CSMD1: variants seen among roughly 807,000 people sequenced by gnomAD.
CSMD1 encodes CUB and sushi domain-containing protein 1.
Under a neutral mutation model 417.5 loss-of-function variants are expected in CSMD1, and 213 were observed. The observed-to-expected ratio is 0.51, with a 90% CI of 0.46 to 0.57. The LOEUF (loss-of-function observed/expected upper bound fraction) is 0.57. CSMD1 is among the 20% of genes least tolerant of loss of function. CSMD1 has a pLI of 0.00. For missense variants in CSMD1, 6,923 were observed against 4,529.7 expected (o/e 1.53, Z -15.17); for synonymous variants, 2,862 against 1,736.8 (o/e 1.65, Z -16.11).
At chr8:3,735,574 C>G (rs575863885) in intron 6 of CSMD1, among the ~76,000 whole-genome samples, 1 of 152,210 alleles carries the variant, frequency 6.6e-6, no homozygotes, top group Non-Finnish European at 1.5e-5. Flanking sequence ...GTCAGCATGA[C>G]TTGCTTCAGT....
intron 5 of CSMD1, among the ~76,000 whole-genome samples, chr8:3,890,225 A>G (rs555020403): frequency 3.3e-5 from 5 of 152,218 alleles, no homozygotes; most frequent in African/African-American, 4.8e-5. Flanking sequence ...TTAATAAAAG[A>G]TAAGAAATAT....
chr8:3,290,772 C>T (rs915931151), intron 25 of CSMD1, among the ~76,000 whole-genome samples: 2 of 147,726 alleles, frequency 1.4e-5, no homozygotes, highest in Admixed American at 6.7e-5. Context: ...CATCTGCCAA[C>T]AGGGACAATT....
chr8:3,797,443 C>G (rs991171341), intron 5 of CSMD1, among the ~76,000 whole-genome samples: 1 of 151,930 alleles, frequency 6.6e-6, no homozygotes, highest in African/African-American at 2.4e-5. Flanking sequence ...CCATCCCTTC[C>G]CTCCACAGGC....
intron 2 of CSMD1, among the ~76,000 whole-genome samples, chr8:4,553,304 G>T (rs938474454): frequency 6.6e-6 from 1 of 152,058 alleles, no homozygotes; most frequent in African/African-American, 2.4e-5. Context: ...TCATATATCA[G>T]CTCTGGGTAA....
intron 5 of CSMD1, among the ~76,000 whole-genome samples, chr8:3,886,804 G>A (rs1378775141): frequency 6.6e-6 from 1 of 152,142 alleles, no homozygotes. Context: ...ACAGAAGGAA[G>A]GAGGGTAGAA....
intron 1 of CSMD1, among the ~76,000 whole-genome samples, chr8:4,863,908 G>A (rs184684655): frequency 1.3e-5 from 2 of 150,872 alleles, no homozygotes; most frequent in Admixed American, 6.6e-5. Flanking sequence ...AAGCAAAAAG[G>A]AAGTGAAATG....
intron 4 of CSMD1, among the ~76,000 whole-genome samples, chr8:4,027,044 G>A (rs1198846584): frequency 6.6e-6 from 1 of 152,174 alleles, no homozygotes; most frequent in Non-Finnish European, 1.5e-5. Context: ...CACAGAACTT[G>A]GAAAAGAAGC....
At chr8:3,867,228 A>G (rs1805166238) in intron 5 of CSMD1, among the ~76,000 whole-genome samples, 1 of 152,178 alleles carries the variant, frequency 6.6e-6, no homozygotes, top group Non-Finnish European at 1.5e-5. Context: ...GCATGAATAA[A>G]TTAGTAACTA....
At chr8:4,014,358 A>T (rs145446946) in intron 4 of CSMD1, among the ~76,000 whole-genome samples, 1 of 152,206 alleles carries the variant, frequency 6.6e-6, no homozygotes, top group Non-Finnish European at 1.5e-5. Flanking sequence ...TCTGTAAAAT[A>T]TTGAGAATCA....
chr8:3,826,882 G>A (rs1802085017), intron 5 of CSMD1, among the ~76,000 whole-genome samples: 1 of 152,116 alleles, frequency 6.6e-6, no homozygotes, highest in Non-Finnish European at 1.5e-5. Flanking sequence ...GGCCTCCTGA[G>A]TTCAACCCAT....
chr8:4,049,372 A>C (rs973243654), intron 3 of CSMD1, among the ~76,000 whole-genome samples: 1 of 151,942 alleles, frequency 6.6e-6, no homozygotes, highest in East Asian at 1.9e-4. Context: ...CTAACAATCA[A>C]AAATCTCTGC....
intron 3 of CSMD1, among the ~76,000 whole-genome samples, chr8:4,173,388 A>C (rs572976298): frequency 1.3e-5 from 2 of 152,234 alleles, no homozygotes; most frequent in African/African-American, 4.8e-5. Context: ...CAGAGGCATA[A>C]AGAGAAGTTT....
intron 7 of CSMD1, among the ~76,000 whole-genome samples, chr8:3,706,224 C>T (rs1225957012): frequency 1.3e-5 from 2 of 152,206 alleles, no homozygotes; most frequent in African/African-American, 2.4e-5. Context: ...CTTGATTTAT[C>T]GGAGTGACAA....
chr8:4,083,993 A>G (rs1273170522), intron 3 of CSMD1, among the ~76,000 whole-genome samples: 2 of 152,200 alleles, frequency 1.3e-5, no homozygotes, highest in Non-Finnish European at 2.9e-5. Flanking sequence ...AAACAAATTT[A>G]CAAGAAAAAA....
intron 5 of CSMD1, among the ~76,000 whole-genome samples, chr8:3,842,709 C>A (rs964702654): frequency 2.0e-5 from 3 of 151,272 alleles, no homozygotes; most frequent in Non-Finnish European, 4.4e-5. Context: ...TAATGAGAAA[C>A]CTGCAAAAAA....
intron 1 of CSMD1, among the ~76,000 whole-genome samples, chr8:4,692,161 T>C (rs980243453): frequency 2.0e-5 from 3 of 152,080 alleles, no homozygotes; most frequent in African/African-American, 7.2e-5. Flanking sequence ...CCCTGTCCCT[T>C]CTGGAAACCA....
intron 5 of CSMD1, among the ~76,000 whole-genome samples, chr8:3,905,949 C>G (rs926696145): frequency 3.9e-5 from 6 of 152,176 alleles, no homozygotes; most frequent in African/African-American, 1.4e-4. Flanking sequence ...TGCCCCTCAA[C>G]CATACCTTTT....
chr8:3,072,552 G>A (rs752535253), intron 49 of CSMD1, among the ~76,000 whole-genome samples: 10 of 152,274 alleles, frequency 6.6e-5, no homozygotes, highest in South Asian at 2.1e-4. Context: ...AGTTCTTGGC[G>A]TAGGTGTTTA....
chr8:2,966,973 G>A (rs1243407403), intron 57 of CSMD1, among the ~76,000 whole-genome samples: 2 of 152,162 alleles, frequency 1.3e-5, no homozygotes, highest in African/African-American at 4.8e-5. Flanking sequence ...CTTTTCTAAA[G>A]TGAACTATTT....
Sources: allele counts gnomAD v4.1 joint callset (sites outside exome capture counted in the v4.1 genomes callset), GRCh38; gene constraint gnomAD v4.1.1; transcripts MANE v1.5; gene names NCBI Gene and HGNC (gene_info 2026-07-23, HGNC 2026-07-21).